Variants in STX4 observed in about 807,000 individuals in gnomAD.
STX4 encodes syntaxin 4.
A neutral mutation model predicts 41.8 loss-of-function variants in STX4; 24 were observed. The observed-to-expected ratio is 0.57, with a 90% confidence interval of 0.42 to 0.81. The LOEUF is 0.81. Among genes scored for constraint, STX4 ranks in the 30% least tolerant of loss-of-function variants. The pLI, the probability that STX4 is intolerant of heterozygous loss-of-function variation, is 0.00. For missense variants in STX4, 316 were observed against 389.9 expected, an observed-to-expected ratio of 0.81 and a Z score of 1.60; for synonymous variants, 158 against 156.4, an observed-to-expected ratio of 1.01 and a Z score of -0.08.
chr16:31,035,019 C>G lies in STX4; in HGVS notation c.357C>G (p.Asn119Lys). Residue 119 changes from asparagine to lysine, a missense_variant, in exon 5 of 11, where the codon AAC becomes AAG. By Grantham distance (94) the Asn-to-Lys change is moderately conservative. Coordinates refer to ENST00000313843, the MANE Select transcript of STX4 (RefSeq NM_004604.5). ...CTGATGAGAACTATAACTCCGTCAA[C>G]ACAAGAATGAGAAAAACCCAGGTGG... is the stretch of plus-strand genomic sequence containing the variant. ...EEADENYNSV[N>K]TRMRKTQHGV... is the part of the protein sequence containing the mutation. 6.2e-7 allele frequency: 1 copy of G among 1,609,660 alleles called. No homozygotes were observed. Among genetic ancestry groups the G allele is most frequent in the East Asian group, 2.2e-5 (1 of 44,716 alleles).
chr16:31,039,676 G>A lies in STX4; in HGVS notation c.813+25G>A. 1.2e-6 allele frequency: 2 copies of A among 1,614,130 alleles called. No homozygotes were observed. Among genetic ancestry groups the A allele is most frequent in the Non-Finnish European group, 1.7e-6 (2 of 1,180,006 alleles). Reference sequence around the variant, plus strand: ...GGTGAGCCTCCCAGGCCCGGCCACTGCCCCAGGCACCCTGTGTGACTTCCC... The same window carrying A: ...GGTGAGCCTCCCAGGCCCGGCCACTACCCCAGGCACCCTGTGTGACTTCCC... On this transcript the variant is annotated intron_variant, in intron 9 of 10. Transcript: ENST00000313843. The surrounding 1 kb of genome is among the most constrained non-coding windows in gnomAD (Gnocchi z 4.1).
Position 31,034,462 on chromosome 16 carries a change from G to A in STX4, c.233G>A (p.Ser78Asn). 3 of 1,602,714 alleles carry A rather than the reference G, an allele frequency of 1.9e-6. No homozygotes were observed. The highest frequency in any genetic ancestry group is 2.6e-6 in the Non-Finnish European group (3 of 1,172,894). The change falls in exon 4 of 11, where the codon AGC (serine) becomes AAC (asparagine). Residue 78 changes from serine to asparagine, a missense_variant and splice_region_variant. Physicochemically the swap from Ser to Asn is conservative, Grantham distance 46. Transcript: ENST00000313843. ...TILATPLPEE[S>N]MKQELQNLRD... ...GGAGTCTTGGCCTTCTCTTATTCAG[G>A]CATGAAGCAGGAGCTGCAGAACCTG...
Position 31,039,938 on chromosome 16 carries a change from C to T in STX4, c.*42C>T. On this transcript the variant is annotated 3_prime_UTR_variant, in exon 11 of 11. Transcript: ENST00000313843. The surrounding 1 kb of genome is among the most constrained non-coding windows in gnomAD (Gnocchi z 4.1). ...CACTAGGAGCACCAGGAACCCAGGG[C>T]CTGGCCTTCTCTCCCAGCAGCCTGG... The T allele has an allele frequency of 1.9e-6, 2 of 1,030,988 alleles. No individual in the cohort carries two copies. The highest frequency in any genetic ancestry group is 1.5e-5 in the South Asian group (1 of 68,462). The allele number at this position is 1,030,988 out of a possible 1,614,324, so 63.9% of individuals were successfully genotyped here.
Position 31,034,076 on chromosome 16 carries a change from G to T in STX4, c.94G>T (p.Ala32Ser). ...CGCGCTGGTGGTGCACCCGGGCACGGCACGGCTGGGGAGCCCGGACGAGGA... is the reference window on the plus strand; with the variant it reads ...CGCGCTGGTGGTGCACCCGGGCACGTCACGGCTGGGGAGCCCGGACGAGGA... ...RVALVVHPGT[A>S]RLGSPDEEFF... The change falls in exon 2 of 11, where the codon GCA (alanine) becomes TCA (serine). Residue 32 changes from alanine (A) to serine (S), a missense_variant. By Grantham distance (99) the Ala-to-Ser change is moderately conservative. Coordinates refer to ENST00000313843, the MANE Select transcript of STX4 (RefSeq NM_004604.5). 1 of 1,610,274 alleles carries T rather than the reference G, an allele frequency of 6.2e-7. No homozygotes were observed. The highest frequency in any genetic ancestry group is 1.1e-5 in the South Asian group (1 of 90,788).
At chr16:31,034,782 T>C in intron 4 of STX4, 188 bp from the exon 5 acceptor site, 1 of 687,426 alleles carries the variant, frequency 1.5e-6, no homozygotes, top group Middle Eastern at 2.9e-4. Context: ...GGGCATTCTT[T>C]GGGCAGGGAG....
At chr16:31,037,114 A>G (rs1001833010) in intron 5 of STX4, among the ~76,000 whole-genome samples, 2 of 131,580 alleles carry the variant, frequency 1.5e-5, no homozygotes, top group Non-Finnish European at 3.1e-5. Context: ...CCCAGGCTGG[A>G]GTACAGTGGT....
intron 5 of STX4, 108 bp downstream of exon 5, chr16:31,035,148 A>T: frequency 1.2e-6 from 1 of 840,530 alleles, no homozygotes; most frequent in Non-Finnish European, 1.7e-6. Flanking sequence ...GTCCAATTGG[A>T]TGACTTTTCC....
Position 31,039,755 on chromosome 16 carries a change from C to T in STX4, c.846C>T (p.Ile282=), listed in dbSNP as rs754251503. The T allele has an allele frequency of 1.2e-5, 19 of 1,614,108 alleles. No individual in the cohort carries two copies. The highest frequency in any genetic ancestry group is 1.6e-5 in the Non-Finnish European group (19 of 1,180,046). ...KKVLIAICVS[I]TVVLLAVIIG... The stretch of plus-strand genomic sequence containing the variant: ...TCTTGATTGCCATCTGTGTGTCCAT[C>T]ACCGTCGTCCTCCTAGCAGTCATCA... Residue 282 remains isoleucine (I), a synonymous_variant, in exon 10 of 11, where the codon ATC becomes ATT. Coordinates refer to ENST00000313843, the MANE Select transcript of STX4 (RefSeq NM_004604.5). The surrounding 1 kb of genome is among the most constrained non-coding windows in gnomAD (Gnocchi z 4.1).
chr16:31,034,901 T>C (rs150521032), intron 4 of STX4, 69 bp from the exon 5 acceptor site: 4 of 1,347,850 alleles, frequency 3.0e-6, no homozygotes, highest in Admixed American at 2.5e-5. Context: ...AGTCATTTTA[T>C]GATAAATTAT....
chr16:31,034,295 A>G lies in STX4; in HGVS notation c.202A>G (p.Thr68Ala), dbSNP rs371627793. 1 of 1,614,036 alleles carries G rather than the reference A, an allele frequency of 6.2e-7. No individual in the cohort carries two copies. The highest frequency in any genetic ancestry group is 1.3e-5 in the African/African-American group (1 of 74,922). Residue 68 changes from threonine (T) to alanine (A), a missense_variant, in exon 3 of 11, where the codon ACC becomes GCC. By Grantham distance (58) the Thr-to-Ala change is moderately conservative. Transcript: ENST00000313843. The part of the protein sequence containing the change: ...KVQELEKQQV[T>A]ILATPLPEES... The stretch of plus-strand genomic sequence containing the variant: ...CCAGGAGTTGGAGAAACAGCAGGTC[A>G]CCATCCTGGCCACGCCCCTTCCCGA...
chr16:31,038,414 A>G (rs950837332), intron 7 of STX4, 96 bp from the exon 8 acceptor site: 15 of 1,544,436 alleles, frequency 9.7e-6, no homozygotes, highest in Non-Finnish European at 1.3e-5. Context: ...CACCCATCAG[A>G]TTCCAGGCTG....
Position 31,039,185 on chromosome 16 carries a change from G to A in STX4, c.703-356G>A. On this transcript the variant is annotated intron_variant, in intron 8 of 10. Transcript: ENST00000313843. The surrounding 1 kb of genome is among the most constrained non-coding windows in gnomAD (Gnocchi z 4.1). The stretch of plus-strand genomic sequence containing the variant: ...GGCTGGTGGTGCCAGGAGGAGGCAG[G>A]GATAGGGAGGGCTTTGCAGCAGCTG... 1 of 275,622 alleles carries A rather than the reference G, an allele frequency of 3.6e-6. No individual in the cohort carries two copies. The highest frequency in any genetic ancestry group is 7.0e-6 in the Non-Finnish European group (1 of 142,448). 17.1% of individuals were successfully genotyped at this position (275,622 alleles called of 1,614,324 possible).
chr16:31,037,162 C>T (rs746151889), intron 5 of STX4, among the ~76,000 whole-genome samples: 27 of 149,514 alleles, frequency 1.8e-4, no homozygotes, highest in Non-Finnish European at 3.6e-4. Context: ...CTCCTGGGTT[C>T]AAGCCATTCT....
At chr16:31,037,428 G>A (rs562666317) in intron 5 of STX4, among the ~76,000 whole-genome samples, 10 of 151,412 alleles carry the variant, frequency 6.6e-5, no homozygotes, top group South Asian at 2.1e-4. Flanking sequence ...AATGGAGGCC[G>A]AGGCAGGTGG....
At chr16:31,035,506 G>T (rs189951545) in intron 5 of STX4, among the ~76,000 whole-genome samples, 1 of 151,964 alleles carries the variant, frequency 6.6e-6, no homozygotes, top group South Asian at 2.1e-4. Context: ...AATTACAGGC[G>T]TGAGCCACCA....
At chr16:31,038,265 G>T in intron 7 of STX4, 75 bp downstream of exon 7, 2 of 1,567,480 alleles carry the variant, frequency 1.3e-6, no homozygotes, top group Non-Finnish European at 1.7e-6. Flanking sequence ...TCGACCTCCT[G>T]GGCTCAGGTG....
intron 5 of STX4, 126 bp from the exon 6 acceptor site, chr16:31,037,800 G>A (rs1022542220): frequency 5.8e-6 from 5 of 864,036 alleles, no homozygotes; most frequent in East Asian, 5.2e-5. Flanking sequence ...GTCATCACAA[G>A]GTGGTTAAGG....
chr16:31,038,920 T>C (rs1018982719), intron 8 of STX4, among the ~76,000 whole-genome samples: 1 of 151,956 alleles, frequency 6.6e-6, no homozygotes, highest in African/African-American at 2.4e-5. Flanking sequence ...CCCCCTCCAC[T>C]AACAGCATCC....
Position 31,039,744 on chromosome 16 carries a change from T to G in STX4, c.835T>G (p.Cys279Gly). ...ACAGAAGAAAGTCTTGATTGCCATCTGTGTGTCCATCACCGTCGTCCTCCT... is the reference window on the plus strand; with the variant it reads ...ACAGAAGAAAGTCTTGATTGCCATCGGTGTGTCCATCACCGTCGTCCTCCT... Reference protein sequence around the residue: ...ARKKKVLIAICVSITVVLLAV... With the variant: ...ARKKKVLIAIGVSITVVLLAV... The change falls in exon 10 of 11, where the codon TGT (cysteine) becomes GGT (glycine). Residue 279 changes from cysteine (C) to glycine (G), a missense_variant. Cys to Gly is a radical substitution (Grantham distance 159). Transcript: ENST00000313843. This position sits in a 1 kb window ranked among gnomAD's most constrained non-coding sequence, Gnocchi z 4.1. 1 of 1,614,242 alleles carries G rather than the reference T, an allele frequency of 6.2e-7. No homozygotes were observed. The highest frequency in any genetic ancestry group is 1.1e-5 in the South Asian group (1 of 91,090).
Sources: allele counts gnomAD v4.1 joint callset (sites outside exome capture counted in the v4.1 genomes callset), GRCh38; gene constraint gnomAD v4.1.1; non-coding constraint Gnocchi (gnomAD v3.1); transcripts MANE v1.5; gene names NCBI Gene and HGNC (gene_info 2026-07-23, HGNC 2026-07-21).